The following ZBBX variants were observed in gnomAD, a reference collection of about 807,000 sequenced individuals.
ZBBX encodes zinc finger B-box domain-containing protein 1.
Under a neutral mutation model 108.5 loss-of-function variants are expected in ZBBX, and 101 were observed. The ratio of observed to expected loss-of-function variants is 0.93; its 90% CI spans 0.79 to 1.10. ZBBX has a LOEUF of 1.10. Ranked by LOEUF, ZBBX falls within the 50% of genes least tolerant of loss-of-function variation. The pLI is 0.00. For synonymous variants in ZBBX, 356 were observed against 323.4 expected, an observed-to-expected ratio of 1.10 and a Z score of -1.08; for missense variants, 1,009 against 941.4, an observed-to-expected ratio of 1.07 and a Z score of -0.94.
intron 8 of ZBBX, among the ~76,000 whole-genome samples, chr3:167,355,285 T>C (rs1350130947): frequency 6.6e-6 from 1 of 152,054 alleles, no homozygotes; most frequent in Non-Finnish European, 1.5e-5. Flanking sequence ...CTTCCGTCTA[T>C]GTGCTGGACA....
rs182982233 is a variant in ZBBX, at chr3:167,326,564, A to G, written c.862+1378T>C. Among the ~76,000 whole-genome samples, 517 of 152,212 alleles carry G rather than the reference A, an allele frequency of 3.4e-3. 1 individual carries two copies. The highest frequency in any genetic ancestry group is 6.0e-3 in the Admixed American group (92 of 15,286). ...TATTATTTTAAATACTATGGCTTCC[A>G]AAGCAGACAAAGAAGAATTTCTATA... On this transcript the variant is annotated intron_variant, in intron 11 of 21. Transcript: ENST00000675490.
chr3:167,301,966 A>AC (rs1400644186), intron 17 of ZBBX, among the ~76,000 whole-genome samples: 1 of 151,728 alleles, frequency 6.6e-6, no homozygotes, highest in Admixed American at 6.6e-5. Flanking sequence ...AAAAAAAAAA[A>AC]AAAAAAAAAA....
At position 167,306,867 on chromosome 3, in the gene ZBBX, T is replaced by C. The variant is rs548123432; in HGVS notation, c.1418-917A>G. Among the ~76,000 whole-genome samples the C allele has an allele frequency of 1.8e-4, 27 of 152,318 alleles. No individual in the cohort carries two copies. The South Asian group carries it at 5.2e-3, about 29-fold the overall frequency. On this transcript the variant is annotated intron_variant, in intron 16 of 21. Coordinates refer to ENST00000675490, the MANE Select transcript of ZBBX (RefSeq NM_001199201.2). ...GACAAATATCTCTATAAGTAGACTA[T>C]GTAAAATAGTAGAAACTCTGAATAA...
At chr3:167,320,298 C>T (rs894908200) in intron 12 of ZBBX, among the ~76,000 whole-genome samples, 6 of 148,934 alleles carry the variant, frequency 4.0e-5, no homozygotes, top group South Asian at 2.1e-4. Flanking sequence ...AGAGTCAACC[C>T]GACAGAGTCC....
chr3:167,320,844 A>G (rs1416486636), intron 12 of ZBBX, among the ~76,000 whole-genome samples: 1 of 152,052 alleles, frequency 6.6e-6, no homozygotes, highest in African/African-American at 2.4e-5. Context: ...CAAATTGAGC[A>G]CATTCTATGA....
At chr3:167,358,276 T>C (rs2108529059) in intron 8 of ZBBX, among the ~76,000 whole-genome samples, 1 of 151,774 alleles carries the variant, frequency 6.6e-6, no homozygotes, top group South Asian at 2.1e-4. Context: ...AATAAGCCAG[T>C]AACTAAAAGG....
At chr3:167,227,818 T>C in the ZBBX span, among the ~76,000 whole-genome samples, 2 of 151,758 alleles carry the variant, frequency 1.3e-5, no homozygotes, top group Admixed American at 6.6e-5. Context: ...GATGACTACA[T>C]ACCCCTGATC....
At chr3:167,187,866 T>A in the ZBBX span, among the ~76,000 whole-genome samples, 1 of 152,192 alleles carries the variant, frequency 6.6e-6, no homozygotes, top group African/African-American at 2.4e-5. Context: ...GATGTTCATT[T>A]CCTGAACTGA....
chr3:167,355,394 C>T (rs1743382135), intron 8 of ZBBX, among the ~76,000 whole-genome samples: 2 of 151,764 alleles, frequency 1.3e-5, no homozygotes, highest in Admixed American at 1.3e-4. Flanking sequence ...AATGAGGAAA[C>T]AGAGATAAAG....
upstream of ZBBX, among the ~76,000 whole-genome samples, chr3:167,384,952 G>T (rs898040207): frequency 6.6e-6 from 1 of 152,004 alleles, no homozygotes; most frequent in Non-Finnish European, 1.5e-5. Context: ...TAAATTGTTG[G>T]TGTATATATG....
At chr3:167,380,024 A>T (rs555773509) in intron 1 of ZBBX, among the ~76,000 whole-genome samples, 1 of 152,302 alleles carries the variant, frequency 6.6e-6, no homozygotes, top group African/African-American at 2.4e-5. Flanking sequence ...TCCTGAGGCC[A>T]GGGCCCCGTC....
Position 167,288,973 on chromosome 3 carries a change from TTC to T in ZBBX, c.1888_1889del (p.Glu630MetfsTer6), listed in dbSNP as rs1375266922. On this transcript the variant is annotated frameshift_variant, in exon 19 of 22. Transcript: ENST00000675490. LOFTEE classifies it high-confidence loss of function. ...STRITLAEDR[E>X]WIPDHSLSEY... ...CACTTAAGCTATGGTCTGGAATCCA[TTC>T]TCTGTCTTCTGAAATTGAAAAACAG... 6.5e-7 allele frequency: 1 copy of T among 1,528,870 alleles called. No individual in the cohort carries two copies. The highest frequency in any genetic ancestry group is 8.8e-7 in the Non-Finnish European group (1 of 1,134,620). 94.7% of individuals were successfully genotyped at this position (1,528,870 alleles called of 1,614,324 possible). A position where few individuals can be genotyped will look rare whatever the true frequency, so the allele number is the denominator to read the frequency against.
chr3:167,340,487 T>C (rs1740347842), intron 9 of ZBBX, among the ~76,000 whole-genome samples: 1 of 152,104 alleles, frequency 6.6e-6, no homozygotes, highest in Non-Finnish European at 1.5e-5. Flanking sequence ...GCATTATCTC[T>C]CAATTTTTTT....
At chr3:167,186,639 A>C in the ZBBX span, among the ~76,000 whole-genome samples, 1 of 152,212 alleles carries the variant, frequency 6.6e-6, no homozygotes, top group Non-Finnish European at 1.5e-5. Flanking sequence ...AGAGAAGCAC[A>C]GATTCAAAAT....
the ZBBX span, among the ~76,000 whole-genome samples, chr3:167,179,036 T>C: frequency 2.6e-5 from 4 of 151,732 alleles, no homozygotes; most frequent in Admixed American, 6.6e-5. Flanking sequence ...GCCTGGGGCA[T>C]TGTCCATTTT....
intron 1 of ZBBX, among the ~76,000 whole-genome samples, chr3:167,386,685 A>G (rs1056462395): frequency 1.3e-5 from 2 of 152,060 alleles, no homozygotes; most frequent in Non-Finnish European, 2.9e-5. Flanking sequence ...AGCTTTAGGG[A>G]AAAGCTCATC....
In ZBBX at chr3:167,305,804, A is replaced by G; in HGVS notation, c.1564T>C (p.Ser522Pro). 6.2e-7 allele frequency: 1 copy of G among 1,612,838 alleles called. No homozygotes were observed. The highest frequency in any genetic ancestry group is 8.5e-7 in the Non-Finnish European group (1 of 1,179,394). The change falls in exon 17 of 22, where the codon TCC becomes CCC. Residue 522 changes from serine (S) to proline (P), a missense_variant. Physicochemically the swap from Ser to Pro is moderately conservative, Grantham distance 74. Coordinates refer to ENST00000675490, the MANE Select transcript of ZBBX (RefSeq NM_001199201.2). ...TCCTTGCTTTCAAGTGATACACAGG[A>G]ATCATCAGACTTTTGATTACTTTCT... ...GLESNQKSDD[S>P]CVSLESKDTL...
intron 18 of ZBBX, among the ~76,000 whole-genome samples, chr3:167,296,962 T>G (rs1057510041): frequency 1.3e-5 from 2 of 152,032 alleles, no homozygotes; most frequent in African/African-American, 4.8e-5. Context: ...TCACACTTTC[T>G]GATTTCAAAA....
chr3:167,321,887 A>G (rs1490858657), intron 12 of ZBBX, among the ~76,000 whole-genome samples: 1 of 151,946 alleles, frequency 6.6e-6, no homozygotes, highest in East Asian at 1.9e-4. Context: ...TTCCTTATAT[A>G]CACATTTCCA....
Sources: gnomAD v4.1 joint callset for allele counts (sites outside exome capture counted in the v4.1 genomes callset) on GRCh38, gnomAD v4.1.1 for gene constraint, MANE v1.5 for transcripts, NCBI Gene and HGNC (gene_info 2026-07-23, HGNC 2026-07-21) for gene names.